The following PCAT6 variants were observed in gnomAD, a reference collection of about 807,000 sequenced individuals.
PCAT6 encodes KDM5B antisense RNA 1 (head to head).
chr1:202,811,508 G>A, exon 1 of PCAT6: 1 of 397,544 alleles, frequency 2.5e-6, no homozygotes. Context: ...CCCAGCGGCC[G>A]GCGCAGCACG....
exon 1 of PCAT6, chr1:202,811,388 A>G (rs1468307018): frequency 5.0e-6 from 2 of 398,546 alleles, no homozygotes; most frequent in Middle Eastern, 6.2e-4. Flanking sequence ...CGTTGCGAAG[A>G]CCACGCTGCC....
chr1:202,811,394 C>CT, exon 1 of PCAT6: 1 of 398,780 alleles, frequency 2.5e-6, no homozygotes, highest in African/African-American at 2.1e-5. Flanking sequence ...GAAGACCACG[C>CT]TGCCGGGTTG....
exon 1 of PCAT6, chr1:202,811,118 C>T (rs945414840): frequency 7.7e-6 from 3 of 391,464 alleles, no homozygotes; most frequent in African/African-American, 6.2e-5. Context: ...TGCCACGTCT[C>T]CAGGAACCCC....
rs558488897 is a variant in PCAT6 at position 202,810,975 on chromosome 1, C to A, written n.93C>A. The A allele has an allele frequency of 1.7e-4, 37 of 220,214 alleles. No homozygotes were observed. The South Asian group carries it at 6.7e-3, about 40-fold the overall frequency. 13.6% of individuals were successfully genotyped at this position (220,214 alleles called of 1,614,324 possible). ...CCCCAGAGGCCGGACCTGGGCAACC[C>A]CAGCCTGGAGGTGCCGGGGCCGGAG... On this transcript the variant is annotated non_coding_transcript_exon_variant, in exon 1 of 1. Transcript: ENST00000686658.
At chr1:202,811,286 C>T (rs1056892085) in exon 1 of PCAT6, 4 of 399,310 alleles carry the variant, frequency 1.0e-5, no homozygotes, top group African/African-American at 2.1e-5. Context: ...GGCTGCACCC[C>T]ACTTTCCAGC....
At chr1:202,811,064 G>A (rs964496586) in exon 1 of PCAT6, 17 of 361,350 alleles carry the variant, frequency 4.7e-5, no homozygotes, top group African/African-American at 3.3e-4. Context: ...CCATAGCGGA[G>A]CTGCAGCCCA....
At chr1:202,811,649 C>A in exon 1 of PCAT6, 2 of 372,428 alleles carry the variant, frequency 5.4e-6, no homozygotes, top group Admixed American at 4.6e-5. Flanking sequence ...TACCACCACC[C>A]TTCCCCTCCC....
chr1:202,811,537 C>A, exon 1 of PCAT6: 2 of 396,284 alleles, frequency 5.0e-6, no homozygotes, highest in East Asian at 7.2e-5. Flanking sequence ...GTGTAGGGTC[C>A]GCTCCCCACC....
exon 1 of PCAT6, chr1:202,811,686 C>A (rs769647935): frequency 3.0e-6 from 1 of 331,920 alleles, no homozygotes; most frequent in East Asian, 4.6e-5. Flanking sequence ...TCGTCTCCCC[C>A]AGTCTCCAGT....
exon 1 of PCAT6, chr1:202,811,222 C>G (rs1425783504): frequency 2.5e-6 from 1 of 398,322 alleles, no homozygotes; most frequent in Non-Finnish European, 4.4e-6. Flanking sequence ...GGACACATCC[C>G]TAGGTGTCTC....
exon 1 of PCAT6, chr1:202,811,606 C>T (rs904114616): frequency 5.1e-6 from 2 of 390,976 alleles, no homozygotes; most frequent in African/African-American, 2.1e-5. Flanking sequence ...TCCCTTCCGC[C>T]CTGGCCTCCG....
exon 1 of PCAT6, chr1:202,811,159 G>A (rs975898484): frequency 4.5e-5 from 18 of 395,944 alleles, no homozygotes; most frequent in African/African-American, 3.5e-4. Context: ...CTCCGCCCCC[G>A]CCCGGGCCTC....
exon 1 of PCAT6, chr1:202,811,690 C>A (rs1467028136): frequency 6.1e-6 from 2 of 328,746 alleles, no homozygotes; most frequent in African/African-American, 4.2e-5. Flanking sequence ...CTCCCCCAGT[C>A]TCCAGTGCAC....
At chr1:202,810,960 C>G (rs1202639641) in exon 1 of PCAT6, 1 of 202,374 alleles carries the variant, frequency 4.9e-6, no homozygotes, top group Non-Finnish European at 9.9e-6. Flanking sequence ...CCCCAGAGGC[C>G]GGACCTGGGC....
chr1:202,811,441 G>A (rs1382126774), exon 1 of PCAT6: 3 of 398,652 alleles, frequency 7.5e-6, no homozygotes, highest in African/African-American at 6.2e-5. Context: ...CCTCCCCCTG[G>A]GCGCCGTGCA....
exon 1 of PCAT6, chr1:202,811,652 C>T (rs1358543741): frequency 1.9e-5 from 7 of 367,548 alleles, no homozygotes; most frequent in African/African-American, 8.3e-5. Flanking sequence ...CACCACCCTT[C>T]CCCTCCCAAC....
At chr1:202,811,304 C>G (rs1009718120) in exon 1 of PCAT6, 2 of 399,206 alleles carry the variant, frequency 5.0e-6, no homozygotes, top group Admixed American at 4.4e-5. Context: ...AGCCTGCGCC[C>G]CAGATCTGCA....
At chr1:202,811,167 C>A in exon 1 of PCAT6, 1 of 397,578 alleles carries the variant, frequency 2.5e-6, no homozygotes, top group Non-Finnish European at 4.4e-6. Flanking sequence ...CCGCCCGGGC[C>A]TCCGTCCCCC....
exon 1 of PCAT6, chr1:202,811,239 C>T: frequency 2.5e-6 from 1 of 399,018 alleles, no homozygotes; most frequent in Non-Finnish European, 4.4e-6. Flanking sequence ...TCTCCATCCT[C>T]ATTCGGTCCA....
Sources: gnomAD v4.1 joint callset for allele counts on GRCh38, gnomAD v4.1.1 for gene constraint, MANE v1.5 for transcripts, NCBI Gene and HGNC (gene_info 2026-07-23, HGNC 2026-07-21) for gene names.